TMEM52B: variants seen among roughly 807,000 people sequenced by gnomAD.
TMEM52B encodes the protein transmembrane protein 52B, also known as chromosome 12 open reading frame 59.
A neutral mutation model predicts 16.1 loss-of-function variants in TMEM52B; 11 were observed. The ratio of observed to expected loss-of-function variants is 0.68; its 90% CI spans 0.43 to 1.13. TMEM52B has a LOEUF of 1.13. TMEM52B is among the 50% of genes most tolerant of loss of function. The pLI, the probability that TMEM52B is intolerant of heterozygous loss-of-function variation, is 0.00. For synonymous variants in TMEM52B, 101 were observed against 93.8 expected (o/e 1.08, Z -0.45); for missense variants, 243 against 230.4 (o/e 1.05, Z -0.35).
intron 1 of TMEM52B, among the ~76,000 whole-genome samples, chr12:10,180,508 AAC>A (rs1312346664): frequency 1.3e-5 from 2 of 152,172 alleles, no homozygotes; most frequent in Non-Finnish European, 2.9e-5. Flanking sequence ...GCGTAGAGGA[AAC>A]ACACGCTTTT....
chr12:10,189,914 G>T lies in TMEM52B; in HGVS notation c.326G>T (p.Gly109Val). The change falls in exon 5 of 5, where the codon GGC (glycine) becomes GTC (valine). Residue 109 changes from glycine (G) to valine (V), a missense_variant. By Grantham distance (109) the Gly-to-Val change is moderately radical. Coordinates refer to ENST00000543484, the MANE Select transcript of TMEM52B (RefSeq NM_001384896.1). Reference sequence around the variant, plus strand: ...TTCACAGCTCTGCAGTCGGTGTTTGGCCCTGCAGCTCGGAGGATCCTGGCT... The same window carrying T: ...TTCACAGCTCTGCAGTCGGTGTTTGTCCCTGCAGCTCGGAGGATCCTGGCT... ...STITSLQSVF[G>V]PAARRILAVA... is the part of the protein sequence containing the mutation. 6.2e-7 allele frequency: 1 copy of T among 1,613,886 alleles called. No homozygotes were observed. The highest frequency in any genetic ancestry group is 8.5e-7 in the Non-Finnish European group (1 of 1,180,030).
Position 10,190,768 on chromosome 12 carries a change from T to A in TMEM52B, c.*628T>A, listed in dbSNP as rs1948948564. 3 of 155,432 alleles carry A rather than the reference T, an allele frequency of 1.9e-5. No homozygotes were observed. Among genetic ancestry groups the A allele is most frequent in the Admixed American group, 1.9e-4 (3 of 16,090 alleles). The allele number at this position is 155,432 out of a possible 1,614,324, so 9.6% of individuals were successfully genotyped here. ...CCTACCCCTCAGCAGTATGAAAAAC[T>A]CCATACTGTGCAGTCACAGTTGGAT... On this transcript the variant is annotated 3_prime_UTR_variant, in exon 5 of 5. Transcript: ENST00000543484.
At chr12:10,177,721 G>A (rs574420783), upstream of TMEM52B, among the ~76,000 whole-genome samples, 6 of 149,190 alleles carry the variant, frequency 4.0e-5, no homozygotes, top group Admixed American at 1.3e-4. Context: ...AGTGAGCCGA[G>A]ATTGCACCAC....
Position 10,179,150 on chromosome 12 carries a change from C to G in TMEM52B, c.-425C>G, listed in dbSNP as rs1948793220. The G allele has an allele frequency of 5.7e-6, 1 of 176,652 alleles. No homozygotes were observed. Among genetic ancestry groups the G allele is most frequent in the Non-Finnish European group, 1.2e-5 (1 of 81,042 alleles). 10.9% of individuals were successfully genotyped at this position (176,652 alleles called of 1,614,324 possible). On this transcript the variant is annotated 5_prime_UTR_variant, in exon 1 of 5. Transcript: ENST00000543484. ...ATATATTTGGTCACCAGCAATCTGCCTTTGACCATCCTCAAAGCCAAGTTT... is the reference window on the plus strand; with the variant it reads ...ATATATTTGGTCACCAGCAATCTGCGTTTGACCATCCTCAAAGCCAAGTTT...
At chr12:10,181,337 CT>C (rs137874714) in intron 1 of TMEM52B, among the ~76,000 whole-genome samples, 95,802 of 148,030 alleles carry the variant, frequency 0.65, 33,910 homozygotes, top group Non-Finnish European at 0.82. Flanking sequence ...CATTTGGTCA[CT>C]TTTTTTTTTT....
In TMEM52B at chr12:10,190,181, A is replaced by T; in HGVS notation, c.*41A>T. 1.9e-6 allele frequency: 3 copies of T among 1,610,064 alleles called. No homozygotes were observed. The highest frequency in any genetic ancestry group is 2.5e-6 in the Non-Finnish European group (3 of 1,177,438). On this transcript the variant is annotated 3_prime_UTR_variant, in exon 5 of 5. Transcript: ENST00000543484. ...TATAAATAGGAGTGGAGTGATGTCC[A>T]GAGTCTGTGGGAAAATGGAACACAT...
Position 10,179,291 on chromosome 12 carries a change from G to A in TMEM52B, c.-284G>A. On this transcript the variant is annotated 5_prime_UTR_variant, in exon 1 of 5. Coordinates refer to ENST00000543484, the MANE Select transcript of TMEM52B (RefSeq NM_001384896.1). ...TCAAGATGTAGAAAGAATTAATAGT[G>A]TAACGGAAAGAAAGAAGGCAAAAGG... 1 of 431,700 alleles carries A rather than the reference G, an allele frequency of 2.3e-6. No individual in the cohort carries two copies. The highest frequency in any genetic ancestry group is 4.0e-5 in the East Asian group (1 of 25,000). 26.7% of individuals were successfully genotyped at this position (431,700 alleles called of 1,614,324 possible). A position where few individuals can be genotyped will look rare whatever the true frequency, so the allele number is the denominator to read the frequency against.
Position 10,184,384 on chromosome 12 carries a change from A to T in TMEM52B, c.99-946A>T, listed in dbSNP as rs556895440. Among the ~76,000 whole-genome samples the T allele has an allele frequency of 5.9e-5, 9 of 152,362 alleles. No individual in the cohort carries two copies. In the South Asian group the frequency reaches 1.9e-3, roughly 32 times the overall value. ...AGGGAACCCCCAATTTATAACCAGT[A>T]GGTCAGAAGCACAGGCAAAACAAAT... is the stretch of plus-strand genomic sequence containing the variant. On this transcript the variant is annotated intron_variant, in intron 2 of 4. Coordinates refer to ENST00000543484, the MANE Select transcript of TMEM52B (RefSeq NM_001384896.1).
intron 2 of TMEM52B, 42 bp from the exon 3 acceptor site, chr12:10,185,288 G>T: frequency 1.5e-6 from 2 of 1,378,006 alleles, no homozygotes; most frequent in South Asian, 2.3e-5. Flanking sequence ...AACAGGGATT[G>T]ACTATATTTT....
intron 4 of TMEM52B, among the ~76,000 whole-genome samples, chr12:10,189,259 A>G (rs937366649): frequency 1.1e-4 from 16 of 151,490 alleles, no homozygotes; most frequent in Non-Finnish European, 2.2e-4. Flanking sequence ...TAAGGAGTCT[A>G]TAGTATCGGG....
Position 10,189,987 on chromosome 12 carries a change from C to T in TMEM52B, c.399C>T (p.Asp133=). The change falls in exon 5 of 5, where the codon GAC becomes GAT. Residue 133 remains aspartate, a synonymous_variant. Coordinates refer to ENST00000543484, the MANE Select transcript of TMEM52B (RefSeq NM_001384896.1). ...TGGGCCAGCTGCCCTCCTCTTTGGA[C>T]ACCCTCCCAGGGTATGAAGAAGCTC... is the stretch of plus-strand genomic sequence containing the variant. ...SSLGQLPSSL[D]TLPGYEEALH... 1 of 1,614,134 alleles carries T rather than the reference C, an allele frequency of 6.2e-7. No individual in the cohort carries two copies. The highest frequency in any genetic ancestry group is 1.1e-5 in the South Asian group (1 of 91,082).
chr12:10,188,995 C>A (rs1466454893), intron 4 of TMEM52B, among the ~76,000 whole-genome samples: 1 of 120,868 alleles, frequency 8.3e-6, no homozygotes. Flanking sequence ...CCAGCCTGGG[C>A]GACAGAGCGA....
chr12:10,176,449 G>A (rs1188679295), upstream of TMEM52B, among the ~76,000 whole-genome samples: 3 of 152,206 alleles, frequency 2.0e-5, no homozygotes, highest in African/African-American at 4.8e-5. Flanking sequence ...AGTGCAATGC[G>A]AGCGGGGAGT....
chr12:10,186,821 G>A (rs906246117), intron 4 of TMEM52B, among the ~76,000 whole-genome samples: 2 of 152,146 alleles, frequency 1.3e-5, no homozygotes, highest in Non-Finnish European at 2.9e-5. Flanking sequence ...GAGGCTATTG[G>A]AAATATTGAA....
chr12:10,189,689 C>T (rs1259060451), intron 4 of TMEM52B, among the ~76,000 whole-genome samples: 6 of 150,814 alleles, frequency 4.0e-5, no homozygotes, highest in Admixed American at 3.3e-4. Context: ...TTTGAGGTTA[C>T]CAGAGAAAAC....
intron 1 of TMEM52B, chr12:10,171,965 G>T: frequency 6.7e-7 from 1 of 1,493,706 alleles, no homozygotes; most frequent in South Asian, 1.1e-5. Context: ...CTAACACTGG[G>T]ATTCTTTCCC....
chr12:10,175,943 C>A (rs1050673584), upstream of TMEM52B, among the ~76,000 whole-genome samples: 1 of 152,228 alleles, frequency 6.6e-6, no homozygotes, highest in Non-Finnish European at 1.5e-5. Context: ...ACACTTGTTA[C>A]ACCAGTTGTA....
intron 4 of TMEM52B, among the ~76,000 whole-genome samples, chr12:10,187,099 GTTTTTTTTTT>G (rs71049057): frequency 2.4e-5 from 2 of 82,180 alleles, no homozygotes; most frequent in South Asian, 9.1e-4. Context: ...TTCCATGACG[GTTTTTTTTTT>G]TTTTTTTTTT....
chr12:10,180,744 C>T (rs912132472), intron 1 of TMEM52B, among the ~76,000 whole-genome samples: 38 of 152,188 alleles, frequency 2.5e-4, no homozygotes, highest in Admixed American at 2.0e-3. Context: ...TATCAGATCA[C>T]TCAGGTTATT....
Sources: allele counts gnomAD v4.1 joint callset (sites outside exome capture counted in the v4.1 genomes callset), GRCh38; gene constraint gnomAD v4.1.1; transcripts MANE v1.5; gene names NCBI Gene and HGNC (gene_info 2026-07-23, HGNC 2026-07-21).